The following NAALADL2 variants were observed in gnomAD, a reference collection of about 807,000 sequenced individuals.
NAALADL2 encodes inactive N-acetylated-alpha-linked acidic dipeptidase-like protein 2.
Under a neutral mutation model 87.2 loss-of-function variants are expected in NAALADL2, and 76 were observed. The ratio of observed to expected loss-of-function variants is 0.87; its 90% CI spans 0.72 to 1.05. The LOEUF is 1.05. NAALADL2 is among the 50% of genes least tolerant of loss of function. NAALADL2 has a pLI of 0.00. For missense variants in NAALADL2, 1,089 were observed against 945.8 expected (o/e 1.15, Z -1.99); for synonymous variants, 354 against 331.0 (o/e 1.07, Z -0.75).
chr3:175,713,531 G>A (rs893367237), intron 11 of NAALADL2, among the ~76,000 whole-genome samples: 9 of 151,980 alleles, frequency 5.9e-5, no homozygotes, highest in Non-Finnish European at 1.0e-4. Flanking sequence ...AGAATTCCAT[G>A]CCTTCTGATA....
At chr3:174,465,458 A>G (rs952256443) in intron 1 of NAALADL2, among the ~76,000 whole-genome samples, 1 of 152,278 alleles carries the variant, frequency 6.6e-6, no homozygotes, top group Admixed American at 6.5e-5. Flanking sequence ...ATCTGTTACT[A>G]TTTAGTTCAA....
intron 11 of NAALADL2, among the ~76,000 whole-genome samples, chr3:175,632,570 G>A (rs1237036485): frequency 1.3e-5 from 2 of 152,102 alleles, no homozygotes; most frequent in Non-Finnish European, 2.9e-5. Context: ...AGATTTGTGA[G>A]ACAGTTTTAA....
chr3:175,331,930 G>A (rs544748137), intron 5 of NAALADL2, among the ~76,000 whole-genome samples: 24 of 152,224 alleles, frequency 1.6e-4, no homozygotes, highest in Non-Finnish European at 3.4e-4. Flanking sequence ...CAGCCTTCCT[G>A]TAAACCAATA....
chr3:174,536,405 A>G (rs773212603), intron 1 of NAALADL2, among the ~76,000 whole-genome samples: 5 of 152,166 alleles, frequency 3.3e-5, no homozygotes, highest in Non-Finnish European at 5.9e-5. Flanking sequence ...AAGTGTTAGA[A>G]TAGCCCTAAT....
At chr3:175,756,689 G>A (rs1174513541) in intron 13 of NAALADL2, among the ~76,000 whole-genome samples, 1 of 152,010 alleles carries the variant, frequency 6.6e-6, no homozygotes, top group Non-Finnish European at 1.5e-5. Flanking sequence ...TTGAAAAGTT[G>A]TTATATATTG....
At chr3:175,348,757 A>G (rs565719619) in intron 5 of NAALADL2, among the ~76,000 whole-genome samples, 1 of 152,208 alleles carries the variant, frequency 6.6e-6, no homozygotes, top group Non-Finnish European at 1.5e-5. Flanking sequence ...CATCTTAATT[A>G]CATCTGCAAA....
At chr3:174,514,943 A>C (rs1051535724) in intron 1 of NAALADL2, among the ~76,000 whole-genome samples, 7 of 152,144 alleles carry the variant, frequency 4.6e-5, no homozygotes, top group African/African-American at 1.7e-4. Context: ...TCCAAGTGTG[A>C]TAATACCTAG....
At chr3:174,770,694 G>A (rs1339440379) in intron 3 of NAALADL2, among the ~76,000 whole-genome samples, 1 of 151,930 alleles carries the variant, frequency 6.6e-6, no homozygotes, top group Non-Finnish European at 1.5e-5. Context: ...CAAAAAATTA[G>A]CTGGGCTTGG....
chr3:174,600,887 C>G (rs1004915462), intron 2 of NAALADL2, among the ~76,000 whole-genome samples: 3 of 152,132 alleles, frequency 2.0e-5, no homozygotes, highest in Admixed American at 6.5e-5. Flanking sequence ...CAGGCCCCAT[C>G]TCCAACACTG....
At chr3:175,306,434 C>T (rs571079411) in intron 4 of NAALADL2, among the ~76,000 whole-genome samples, 60 of 152,288 alleles carry the variant, frequency 3.9e-4, no homozygotes, top group Non-Finnish European at 6.9e-4. Flanking sequence ...ATTCCTCCTA[C>T]ACAAACTCTT....
At chr3:175,615,269 G>A (rs1168737648) in intron 10 of NAALADL2, among the ~76,000 whole-genome samples, 4 of 152,212 alleles carry the variant, frequency 2.6e-5, no homozygotes, top group African/African-American at 9.6e-5. Context: ...TTCTACCAAT[G>A]AGTAGATGTA....
At chr3:175,374,551 C>A (rs1441150091) in intron 5 of NAALADL2, among the ~76,000 whole-genome samples, 6 of 49,874 alleles carry the variant, frequency 1.2e-4, no homozygotes, top group African/African-American at 4.9e-4. Flanking sequence ...ACTGCATCTC[C>A]AGAAAAAAAA....
In NAALADL2 at chr3:175,080,309, G is replaced by A. The variant is rs569318712; in HGVS notation, c.44-16481G>A. ...ATAACTGTTAAGAGGTTATCTCTGTGGATATCTTAGTTAACATAACTTATT... is the reference window on the plus strand; with the variant it reads ...ATAACTGTTAAGAGGTTATCTCTGTAGATATCTTAGTTAACATAACTTATT... On this transcript the variant is annotated intron_variant, in intron 1 of 13. Coordinates refer to ENST00000454872, the MANE Select transcript of NAALADL2 (RefSeq NM_207015.3). Among the ~76,000 whole-genome samples the A allele has an allele frequency of 1.1e-3, 166 of 152,262 alleles. No individual in the cohort carries two copies. In the Middle Eastern group the frequency reaches 0.014, roughly 12 times the overall value.
intron 1 of NAALADL2, among the ~76,000 whole-genome samples, chr3:174,483,891 G>C (rs1365391951): frequency 1.3e-5 from 2 of 151,868 alleles, no homozygotes; most frequent in Admixed American, 1.3e-4. Flanking sequence ...AAAAATATCA[G>C]TAAAAATAAT....
At chr3:174,925,347 T>C (rs551720061) in intron 1 of NAALADL2, among the ~76,000 whole-genome samples, 34 of 152,304 alleles carry the variant, frequency 2.2e-4, no homozygotes, top group Non-Finnish European at 3.7e-4. Flanking sequence ...CCATTTCTTG[T>C]TTTTGTCAGG....
intron 4 of NAALADL2, among the ~76,000 whole-genome samples, chr3:175,304,027 A>G (rs374658006): frequency 6.6e-6 from 1 of 151,648 alleles, no homozygotes. Context: ...TTTTTTACAT[A>G]TGAAAATGAG....
intron 1 of NAALADL2, among the ~76,000 whole-genome samples, chr3:175,025,419 A>T (rs890209036): frequency 6.6e-6 from 1 of 152,154 alleles, no homozygotes; most frequent in African/African-American, 2.4e-5. Flanking sequence ...TAACCATGTG[A>T]TCTTCAAGTT....
At chr3:174,692,788 G>T (rs1283328738) in intron 2 of NAALADL2, among the ~76,000 whole-genome samples, 1 of 151,886 alleles carries the variant, frequency 6.6e-6, no homozygotes, top group Admixed American at 6.6e-5. Flanking sequence ...TCATATGCTT[G>T]TTAGGAGGAA....
intron 2 of NAALADL2, among the ~76,000 whole-genome samples, chr3:174,719,514 C>T (rs540885911): frequency 1.3e-5 from 2 of 152,136 alleles, no homozygotes; most frequent in Non-Finnish European, 2.9e-5. Flanking sequence ...GACTTAGCAA[C>T]CAAGAAGCTT....
Sources: allele counts gnomAD v4.1 joint callset (sites outside exome capture counted in the v4.1 genomes callset), GRCh38; gene constraint gnomAD v4.1.1; transcripts MANE v1.5; gene names NCBI Gene and HGNC (gene_info 2026-07-23, HGNC 2026-07-21).